The following THRB variants were observed in gnomAD, a reference collection of about 807,000 sequenced individuals.
THRB encodes nuclear receptor subfamily 1 group A member 2.
A neutral mutation model predicts 47.8 loss-of-function variants in THRB; 12 were observed. The observed-to-expected ratio is 0.25, with a 90% CI of 0.16 to 0.41. The LOEUF (loss-of-function observed/expected upper bound fraction) is 0.41. THRB is among the 10% of genes least tolerant of loss of function. The probability of loss-of-function intolerance (pLI) is 1.00; values close to 1 mark genes in which losing one functional copy is unlikely to be tolerated. For synonymous variants in THRB, 218 were observed against 212.2 expected (o/e 1.03, Z -0.24); for missense variants, 348 against 589.2 (o/e 0.59, Z 4.24).
chr3:24,326,207 C>T (rs577269547), intron 2 of THRB, among the ~76,000 whole-genome samples: 1 of 152,282 alleles, frequency 6.6e-6, no homozygotes, highest in Admixed American at 6.5e-5. Context: ...TTTCTCCCCA[C>T]CTCCACCACC....
intron 5 of THRB, among the ~76,000 whole-genome samples, chr3:24,158,586 G>C (rs370994613): frequency 1.3e-5 from 2 of 152,010 alleles, no homozygotes; most frequent in African/African-American, 4.8e-5. Context: ...CTGCCACCAC[G>C]CCCAGCTATT....
At chr3:24,233,615 G>GAAAGAAAGAAAGAAAGAA (rs1553658450) in intron 3 of THRB, among the ~76,000 whole-genome samples, 1 of 101,912 alleles carries the variant, frequency 9.8e-6, no homozygotes, top group African/African-American at 3.4e-5. Context: ...AAGAAAGAAA[G>GAAAGAAAGAAAGAAAGAA]AGAAAGAGCC....
At chr3:24,263,279 T>C (rs1373904030) in intron 3 of THRB, among the ~76,000 whole-genome samples, 1 of 152,156 alleles carries the variant, frequency 6.6e-6, no homozygotes, top group African/African-American at 2.4e-5. Flanking sequence ...TATGCCAGAC[T>C]CTTTATACAC....
At chr3:24,251,169 A>G (rs1167120658) in intron 3 of THRB, among the ~76,000 whole-genome samples, 1 of 152,114 alleles carries the variant, frequency 6.6e-6, no homozygotes, top group Admixed American at 6.6e-5. Flanking sequence ...GATCTAAATA[A>G]CAAATGTTAA....
rs993224170 is a variant in THRB, at chr3:24,154,099, A to C, written c.284-1609T>G. ...AAAAATGTTCCTTCTTGGGAGGCAGATAATTGACTTGAAAGTGAGGTTTAG... is the reference window on the plus strand; with the variant it reads ...AAAAATGTTCCTTCTTGGGAGGCAGCTAATTGACTTGAAAGTGAGGTTTAG... On this transcript the variant is annotated intron_variant, in intron 5 of 10. Transcript: ENST00000646209. Among the ~76,000 whole-genome samples, 8 of 152,204 alleles carry C rather than the reference A, an allele frequency of 5.3e-5. No individual in the cohort carries two copies. In the East Asian group the frequency reaches 1.5e-3, roughly 29 times the overall value.
intron 1 of THRB, among the ~76,000 whole-genome samples, chr3:24,418,473 A>T (rs2068949487): frequency 6.6e-6 from 1 of 151,862 alleles, no homozygotes; most frequent in Non-Finnish European, 1.5e-5. Context: ...CACCATTTGA[A>T]AACTGGTGCT....
intron 2 of THRB, among the ~76,000 whole-genome samples, chr3:24,335,385 A>C (rs76574014): frequency 0.028 from 4,215 of 152,310 alleles, 61 homozygotes; most frequent in Middle Eastern, 0.041. Flanking sequence ...AATCTTCAGA[A>C]ACTCTGCGTA....
intron 1 of THRB, among the ~76,000 whole-genome samples, chr3:24,346,772 T>C (rs140291712): frequency 1.3e-5 from 2 of 152,084 alleles, no homozygotes; most frequent in South Asian, 2.1e-4. Flanking sequence ...CCTCAAAATA[T>C]ATAAAGCCAA....
intron 3 of THRB, among the ~76,000 whole-genome samples, chr3:24,229,913 G>C (rs1385013500): frequency 6.6e-6 from 1 of 152,170 alleles, no homozygotes; most frequent in Admixed American, 6.5e-5. Flanking sequence ...TGGGATCAGA[G>C]GAAGTAATTT....
intron 1 of THRB, among the ~76,000 whole-genome samples, chr3:24,487,740 G>T (rs1332718552): frequency 6.6e-6 from 1 of 152,178 alleles, no homozygotes; most frequent in Admixed American, 6.5e-5. Context: ...GTGAGAACAT[G>T]ACACACACTT....
intron 2 of THRB, among the ~76,000 whole-genome samples, chr3:24,324,657 C>T (rs908532868): frequency 6.6e-6 from 1 of 152,124 alleles, no homozygotes; most frequent in Non-Finnish European, 1.5e-5. Flanking sequence ...TTTTCATTAA[C>T]AACATATTAA....
chr3:24,316,031 G>T (rs767835645), intron 2 of THRB, among the ~76,000 whole-genome samples: 3 of 152,056 alleles, frequency 2.0e-5, no homozygotes, highest in Non-Finnish European at 4.4e-5. Context: ...GCTCTTGTTT[G>T]CTCCTGAGGT....
intron 1 of THRB, among the ~76,000 whole-genome samples, chr3:24,493,711 CCTT>C (rs1698542567): frequency 6.6e-6 from 1 of 152,112 alleles, no homozygotes; most frequent in South Asian, 2.1e-4. Flanking sequence ...GTTTCTAGAT[CCTT>C]CTTTTAAAAT....
chr3:24,263,319 T>G (rs1293842411), intron 3 of THRB, among the ~76,000 whole-genome samples: 1 of 152,072 alleles, frequency 6.6e-6, no homozygotes, highest in African/African-American at 2.4e-5. Context: ...ACAAAACCAC[T>G]GTGAATTAGG....
At chr3:24,133,270 G>A (rs191365089) in intron 9 of THRB, 46 bp downstream of exon 9, 2 of 1,604,294 alleles carry the variant, frequency 1.2e-6, no homozygotes, top group East Asian at 4.5e-5. Context: ...GGAAACTGAT[G>A]AAACTATAAT....
chr3:24,128,530 T>C (rs1280034770), intron 9 of THRB, among the ~76,000 whole-genome samples: 1 of 152,250 alleles, frequency 6.6e-6, no homozygotes, highest in Admixed American at 6.5e-5. Flanking sequence ...CCTTTGCTTA[T>C]AGGCAAAATA....
intron 3 of THRB, among the ~76,000 whole-genome samples, chr3:24,285,714 C>T (rs1162979865): frequency 2.0e-5 from 3 of 152,122 alleles, no homozygotes; most frequent in Non-Finnish European, 4.4e-5. Flanking sequence ...CCCAAGAAAA[C>T]AGTGCTTCTG....
chr3:24,169,140 C>T (rs540470517), intron 5 of THRB, among the ~76,000 whole-genome samples: 1 of 152,242 alleles, frequency 6.6e-6, no homozygotes, highest in South Asian at 2.1e-4. Flanking sequence ...AGTAATTGAA[C>T]CGCTAAATTT....
At chr3:24,309,921 G>A (rs1189429649) in intron 2 of THRB, among the ~76,000 whole-genome samples, 1 of 152,084 alleles carries the variant, frequency 6.6e-6, no homozygotes, top group Non-Finnish European at 1.5e-5. Context: ...GTAGAAAAGG[G>A]GTAAGTGAAC....
Sources: allele counts gnomAD v4.1 joint callset (sites outside exome capture counted in the v4.1 genomes callset), GRCh38; gene constraint gnomAD v4.1.1; transcripts MANE v1.5; gene names NCBI Gene and HGNC (gene_info 2026-07-23, HGNC 2026-07-21).